GALNTL6: variants seen among roughly 807,000 people sequenced by gnomAD.
GALNTL6 encodes the protein polypeptide N-acetylgalactosaminyltransferase like 6.
A neutral mutation model predicts 73.7 loss-of-function variants in GALNTL6; 46 were observed. The ratio of observed to expected loss-of-function variants is 0.62; its 90% CI spans 0.49 to 0.80. The LOEUF is 0.80. Among genes scored for constraint, GALNTL6 ranks in the 30% least tolerant of loss-of-function variants. GALNTL6 has a pLI of 0.00. For synonymous variants in GALNTL6, 259 were observed against 263.7 expected (o/e 0.98, Z 0.17); for missense variants, 604 against 755.0 (o/e 0.80, Z 2.34).
chr4:172,792,386 G>T (rs991936661), intron 5 of GALNTL6, among the ~76,000 whole-genome samples: 3 of 151,924 alleles, frequency 2.0e-5, no homozygotes, highest in African/African-American at 7.3e-5. Context: ...ATATACATGT[G>T]TATAATTCTA....
chr4:172,296,351 G>C, intron 3 of GALNTL6, among the ~76,000 whole-genome samples: 1 of 151,956 alleles, frequency 6.6e-6, no homozygotes, highest in East Asian at 1.9e-4. Flanking sequence ...TAAAATATTG[G>C]TAGATTCAAT....
intron 5 of GALNTL6, among the ~76,000 whole-genome samples, chr4:172,739,091 C>G (rs145269917): frequency 1.1e-4 from 17 of 152,298 alleles, no homozygotes; most frequent in Middle Eastern, 3.4e-3. Context: ...CCCACCCCCA[C>G]TTCCATCATG....
intron 5 of GALNTL6, among the ~76,000 whole-genome samples, chr4:172,462,666 G>T (rs1039678241): frequency 6.6e-6 from 1 of 152,146 alleles, no homozygotes; most frequent in Non-Finnish European, 1.5e-5. Flanking sequence ...CAAGTTTCAA[G>T]AGTACTGGAT....
chr4:172,889,705 C>T (rs913976594), intron 8 of GALNTL6, among the ~76,000 whole-genome samples: 1 of 151,918 alleles, frequency 6.6e-6, no homozygotes. Context: ...GAGTGACTAG[C>T]CTGTAGTTTT....
intron 11 of GALNTL6, among the ~76,000 whole-genome samples, chr4:173,020,128 C>T (rs1752936137): frequency 1.3e-5 from 2 of 152,220 alleles, no homozygotes; most frequent in South Asian, 4.1e-4. Context: ...AATCACAGGG[C>T]TCATCTAGTC....
intron 5 of GALNTL6, among the ~76,000 whole-genome samples, chr4:172,627,285 G>A (rs933086974): frequency 5.3e-5 from 8 of 152,008 alleles, no homozygotes; most frequent in African/African-American, 1.9e-4. Flanking sequence ...TCTTTATGCA[G>A]TGATCACATT....
intron 3 of GALNTL6, among the ~76,000 whole-genome samples, chr4:172,275,263 T>G (rs1375178574): frequency 2.0e-5 from 3 of 152,222 alleles, no homozygotes; most frequent in Non-Finnish European, 4.4e-5. Flanking sequence ...GGTAACAGAT[T>G]AATAAATCAT....
At chr4:171,821,215 T>A (rs184270929) in intron 2 of GALNTL6, among the ~76,000 whole-genome samples, 1,567 of 150,732 alleles carry the variant, frequency 0.01, 13 homozygotes, top group Non-Finnish European at 0.015. Context: ...TTTTAAAAAA[T>A]TTTTTTTGTA....
intron 5 of GALNTL6, among the ~76,000 whole-genome samples, chr4:172,707,349 G>C (rs1449385674): frequency 2.0e-5 from 3 of 152,182 alleles, no homozygotes; most frequent in African/African-American, 7.2e-5. Context: ...CCACAAATCA[G>C]TAGTCAGATA....
intron 3 of GALNTL6, among the ~76,000 whole-genome samples, chr4:172,302,328 A>G (rs1184738306): frequency 2.6e-5 from 4 of 152,020 alleles, no homozygotes; most frequent in South Asian, 2.1e-4. Context: ...GGGTGAGGCA[A>G]TGCCTCACCC....
At chr4:172,380,236 C>T (rs374992862) in intron 5 of GALNTL6, 2 of 916,912 alleles carry the variant, frequency 2.2e-6, no homozygotes, top group East Asian at 4.9e-5. Flanking sequence ...AACGTATTCT[C>T]CCCAACTTGT....
At chr4:172,631,546 A>G (rs979725332) in intron 5 of GALNTL6, among the ~76,000 whole-genome samples, 1 of 152,228 alleles carries the variant, frequency 6.6e-6, no homozygotes, top group African/African-American at 2.4e-5. Flanking sequence ...TTATTTAACT[A>G]CTTTCTTTTC....
chr4:172,094,165 G>T (rs1732284897), intron 2 of GALNTL6, among the ~76,000 whole-genome samples: 1 of 152,114 alleles, frequency 6.6e-6, no homozygotes, highest in African/African-American at 2.4e-5. Flanking sequence ...CAATTTTTCA[G>T]TGTGGAACAG....
chr4:172,654,105 T>C (rs144760590), intron 5 of GALNTL6, among the ~76,000 whole-genome samples: 19 of 152,300 alleles, frequency 1.2e-4, no homozygotes, highest in African/African-American at 4.1e-4. Flanking sequence ...GCCATTTTCG[T>C]TGGAAATATT....
intron 2 of GALNTL6, among the ~76,000 whole-genome samples, chr4:172,144,057 T>C (rs1733866590): frequency 6.6e-6 from 1 of 152,162 alleles, no homozygotes; most frequent in Non-Finnish European, 1.5e-5. Context: ...CTATACACAT[T>C]GTTCCTTATG....
At chr4:172,413,829 T>A (rs1744529495) in intron 5 of GALNTL6, among the ~76,000 whole-genome samples, 1 of 152,144 alleles carries the variant, frequency 6.6e-6, no homozygotes, top group African/African-American at 2.4e-5. Context: ...TCACTGTTTT[T>A]CTTAAGATTC....
At chr4:173,022,442 G>A (rs1753055992) in intron 12 of GALNTL6, among the ~76,000 whole-genome samples, 1 of 152,170 alleles carries the variant, frequency 6.6e-6, no homozygotes, top group Non-Finnish European at 1.5e-5. Flanking sequence ...ACTCCCAAAA[G>A]GAGGAACCAC....
At chr4:172,483,995 T>G (rs577020624) in intron 5 of GALNTL6, among the ~76,000 whole-genome samples, 106 of 152,280 alleles carry the variant, frequency 7.0e-4, no homozygotes, top group African/African-American at 2.4e-3. Context: ...GTGTATTTCG[T>G]AGGATCTTCA....
chr4:172,209,325 A>G (rs1579257336), intron 2 of GALNTL6, among the ~76,000 whole-genome samples: 1 of 151,938 alleles, frequency 6.6e-6, no homozygotes, highest in East Asian at 1.9e-4. Context: ...TGCGAGATTG[A>G]TATTATTTAA....
Sources: allele counts gnomAD v4.1 joint callset (sites outside exome capture counted in the v4.1 genomes callset), GRCh38; gene constraint gnomAD v4.1.1; transcripts MANE v1.5; gene names NCBI Gene and HGNC (gene_info 2026-07-23, HGNC 2026-07-21).